Variants in FMN2 observed in about 807,000 individuals in gnomAD.
FMN2 encodes the protein formin 2.
In FMN2, 51 loss-of-function variants were observed where a neutral mutation model predicts 142.3. That is an observed-to-expected ratio of 0.36 (90% CI 0.29 to 0.45). The LOEUF (loss-of-function observed/expected upper bound fraction) is 0.45, where lower values mean the gene tolerates loss of function less well. Among genes scored for constraint, FMN2 ranks in the 20% least tolerant of loss-of-function variants. The pLI, the probability that FMN2 is intolerant of heterozygous loss-of-function variation, is 1.00. For synonymous variants in FMN2, 882 were observed against 869.8 expected, an observed-to-expected ratio of 1.01 and a Z score of -0.25; for missense variants, 1,936 against 2,122.8, an observed-to-expected ratio of 0.91 and a Z score of 1.73.
intron 8 of FMN2, among the ~76,000 whole-genome samples, chr1:240,304,283 A>C (rs906550005): frequency 1.3e-5 from 2 of 152,212 alleles, no homozygotes; most frequent in African/African-American, 4.8e-5. Flanking sequence ...ATTTGAATTT[A>C]ACAATGTAAT....
At chr1:240,414,370 A>G (rs1030138330) in intron 15 of FMN2, among the ~76,000 whole-genome samples, 4 of 152,194 alleles carry the variant, frequency 2.6e-5, no homozygotes, top group Non-Finnish European at 4.4e-5. Context: ...CGTCTGTTAA[A>G]TGACTTCACC....
intron 2 of FMN2, among the ~76,000 whole-genome samples, chr1:240,130,596 G>A (rs957091132): frequency 5.3e-5 from 8 of 152,182 alleles, no homozygotes; most frequent in African/African-American, 1.2e-4. Flanking sequence ...GAGCCACCAC[G>A]CCCAGCTGAA....
At chr1:240,185,089 TCCCCCTTCTC>T (rs1665365358) in intron 3 of FMN2, among the ~76,000 whole-genome samples, 1 of 33,762 alleles carries the variant, frequency 3.0e-5, no homozygotes, top group Non-Finnish European at 7.0e-5. Flanking sequence ...TCCTATACCT[TCCCCCTTCTC>T]TTTCTCCCTC....
intron 6 of FMN2, among the ~76,000 whole-genome samples, chr1:240,215,914 G>T (rs1666877514): frequency 6.6e-6 from 1 of 152,014 alleles, no homozygotes; most frequent in African/African-American, 2.4e-5. Context: ...TCGCCATGTT[G>T]ATCAGGCTGG....
intron 6 of FMN2, among the ~76,000 whole-genome samples, chr1:240,246,603 C>T (rs2008888): frequency 0.36 from 54,507 of 151,964 alleles, 10,856 homozygotes; most frequent in East Asian, 0.53. Flanking sequence ...CCCGAAAGCT[C>T]GTTAGAAACA....
At chr1:240,124,480 C>G (rs116816431) in intron 2 of FMN2, among the ~76,000 whole-genome samples, 2,508 of 152,192 alleles carry the variant, frequency 0.016, 53 homozygotes, top group African/African-American at 0.057. Context: ...ATGAACACAG[C>G]TGGATTCTCA....
chr1:240,196,375 T>A (rs1032742364), intron 4 of FMN2, among the ~76,000 whole-genome samples: 7 of 152,130 alleles, frequency 4.6e-5, no homozygotes, highest in African/African-American at 1.7e-4. Context: ...GTCTAGGGTA[T>A]AAATTAGGCT....
intron 14 of FMN2, among the ~76,000 whole-genome samples, chr1:240,361,753 T>C (rs1486116879): frequency 6.6e-6 from 1 of 152,174 alleles, no homozygotes; most frequent in Non-Finnish European, 1.5e-5. Flanking sequence ...CATAGAGATC[T>C]GAGATTGAGG....
intron 2 of FMN2, among the ~76,000 whole-genome samples, chr1:240,128,790 A>G (rs1015525889): frequency 6.6e-6 from 1 of 152,236 alleles, no homozygotes; most frequent in African/African-American, 2.4e-5. Context: ...CCGGAAAACT[A>G]ATGAAATATG....
At chr1:240,382,838 A>G (rs1210116766) in intron 14 of FMN2, among the ~76,000 whole-genome samples, 1 of 152,212 alleles carries the variant, frequency 6.6e-6, no homozygotes, top group Non-Finnish European at 1.5e-5. Context: ...AAAAACAGGC[A>G]TCACGTTTTG....
chr1:240,106,828 C>T (rs561980792), intron 1 of FMN2, among the ~76,000 whole-genome samples: 14 of 151,676 alleles, frequency 9.2e-5, no homozygotes, highest in Middle Eastern at 3.4e-3. Context: ...GGATTTCAGG[C>T]GCCCACCACC....
At chr1:240,277,522 C>G (rs1473362951) in intron 7 of FMN2, among the ~76,000 whole-genome samples, 1 of 91,250 alleles carries the variant, frequency 1.1e-5, no homozygotes, top group South Asian at 3.8e-4. Context: ...CCTGCATCTT[C>G]TTCTTTTTTT....
intron 3 of FMN2, among the ~76,000 whole-genome samples, chr1:240,181,509 T>C (rs1240972557): frequency 1.3e-5 from 2 of 152,170 alleles, no homozygotes; most frequent in East Asian, 1.9e-4. Context: ...TTTGTATGAA[T>C]TGGAAGGGCT....
intron 16 of FMN2, among the ~76,000 whole-genome samples, chr1:240,471,004 C>T (rs914729563): frequency 2.0e-5 from 3 of 152,106 alleles, no homozygotes; most frequent in Admixed American, 2.0e-4. Flanking sequence ...ATAATGGAAA[C>T]TTTTCACTCT....
At chr1:240,227,432 T>C (rs1429303149) in intron 6 of FMN2, among the ~76,000 whole-genome samples, 1 of 152,196 alleles carries the variant, frequency 6.6e-6, no homozygotes, top group Non-Finnish European at 1.5e-5. Flanking sequence ...AAACTCATTT[T>C]TTTTTAGCAA....
At chr1:240,185,561 A>C (rs926249676) in intron 3 of FMN2, among the ~76,000 whole-genome samples, 2 of 152,248 alleles carry the variant, frequency 1.3e-5, no homozygotes, top group African/African-American at 4.8e-5. Flanking sequence ...TTGCTGATGC[A>C]TCTTTCTAAT....
intron 15 of FMN2, among the ~76,000 whole-genome samples, chr1:240,419,595 C>T (rs1475184497): frequency 6.6e-6 from 1 of 152,198 alleles, no homozygotes; most frequent in Non-Finnish European, 1.5e-5. Flanking sequence ...CTCTGGAAAT[C>T]AGTGTCTCCT....
intron 13 of FMN2, among the ~76,000 whole-genome samples, chr1:240,338,655 G>T (rs1167852456): frequency 1.3e-5 from 2 of 152,104 alleles, no homozygotes; most frequent in East Asian, 1.9e-4. Flanking sequence ...TGTATATACT[G>T]CCCACCTGTT....
chr1:240,399,427 C>G lies in FMN2; in HGVS notation c.4910+6865C>G, dbSNP rs540403257. Among the ~76,000 whole-genome samples, 8 of 152,240 alleles carry G rather than the reference C, an allele frequency of 5.3e-5. No individual in the cohort carries two copies. In the East Asian group the frequency reaches 1.5e-3, roughly 29 times the overall value. On this transcript the variant is annotated intron_variant, in intron 15 of 17. Transcript: ENST00000319653. ...TGAGGAATCATTTGTCCAAGAAAAT[C>G]TAAATCATGGTAAGAACAGTGAGAG...
Sources: gnomAD v4.1 joint callset for allele counts (sites outside exome capture counted in the v4.1 genomes callset) on GRCh38, gnomAD v4.1.1 for gene constraint, MANE v1.5 for transcripts, NCBI Gene and HGNC (gene_info 2026-07-23, HGNC 2026-07-21) for gene names.